The following CNTN5 variants were observed in gnomAD, a reference collection of about 807,000 sequenced individuals.
CNTN5 encodes the protein contactin 5, also known as contactin-5.
In CNTN5, 77 loss-of-function variants were observed where a neutral mutation model predicts 129.1. That is an observed-to-expected ratio of 0.60 (90% CI 0.50 to 0.72). The LOEUF (loss-of-function observed/expected upper bound fraction) is 0.72, where lower values mean the gene tolerates loss of function less well. CNTN5 is among the 30% of genes least tolerant of loss of function. CNTN5 has a pLI of 0.00. For synonymous variants in CNTN5, 509 were observed against 465.6 expected (o/e 1.09, Z -1.20); for missense variants, 1,478 against 1,328.8 (o/e 1.11, Z -1.75).
intron 9 of CNTN5, among the ~76,000 whole-genome samples, chr11:100,053,084 C>A (rs1276899600): frequency 2.0e-5 from 3 of 151,634 alleles, no homozygotes; most frequent in Non-Finnish European, 3.0e-5. Flanking sequence ...AAATGTAAAT[C>A]TCTGTATTCT....
intron 2 of CNTN5, among the ~76,000 whole-genome samples, chr11:99,382,618 A>T (rs921132090): frequency 1.3e-5 from 2 of 152,062 alleles, no homozygotes; most frequent in Non-Finnish European, 2.9e-5. Flanking sequence ...CCTCTCTTGT[A>T]TGATATTATG....
chr11:99,822,750 G>C (rs1322344014), intron 4 of CNTN5, among the ~76,000 whole-genome samples: 1 of 152,220 alleles, frequency 6.6e-6, no homozygotes, highest in East Asian at 1.9e-4. Flanking sequence ...ATGTCTCACA[G>C]TAATTCTCAC....
At chr11:100,331,387 G>A (rs1235353304) in intron 21 of CNTN5, among the ~76,000 whole-genome samples, 2 of 152,082 alleles carry the variant, frequency 1.3e-5, no homozygotes, top group Non-Finnish European at 2.9e-5. Context: ...ATAACAGTGG[G>A]ATACTTTAAT....
At chr11:99,905,931 G>A (rs539688342) in intron 6 of CNTN5, among the ~76,000 whole-genome samples, 1 of 152,130 alleles carries the variant, frequency 6.6e-6, no homozygotes, top group African/African-American at 2.4e-5. Context: ...TCATCATTTG[G>A]CTCTCTGTTT....
At chr11:99,564,282 A>G (rs1194810275) in intron 3 of CNTN5, among the ~76,000 whole-genome samples, 2 of 152,010 alleles carry the variant, frequency 1.3e-5, no homozygotes, top group Non-Finnish European at 2.9e-5. Flanking sequence ...TTGTAGAGAT[A>G]GGGTGTCACT....
chr11:99,978,984 C>T (rs1938172520), intron 8 of CNTN5, among the ~76,000 whole-genome samples: 1 of 152,260 alleles, frequency 6.6e-6, no homozygotes, highest in East Asian at 1.9e-4. Context: ...CAGTTCTGCC[C>T]CGCTTTAACT....
At chr11:99,991,812 C>G (rs1259380346) in intron 8 of CNTN5, among the ~76,000 whole-genome samples, 4 of 152,128 alleles carry the variant, frequency 2.6e-5, no homozygotes, top group Admixed American at 6.6e-5. Context: ...ACTTCCTGGT[C>G]TCTGATTGAA....
In CNTN5 at chr11:100,061,204, T is replaced by C. The variant is rs1273324119; in HGVS notation, c.981-8T>C. ...GTGTATTAACAGTATTTTTGTTCCCTATCGTAGCCCCGTTCCAACAATCAC... is the reference window on the plus strand; with the variant it reads ...GTGTATTAACAGTATTTTTGTTCCCCATCGTAGCCCCGTTCCAACAATCAC... On this transcript the variant is annotated splice_polypyrimidine_tract_variant and splice_region_variant and intron_variant, in intron 9 of 24. Coordinates refer to ENST00000524871, the MANE Select transcript of CNTN5 (RefSeq NM_014361.4). The C allele has an allele frequency of 1.9e-6, 3 of 1,599,066 alleles. No individual in the cohort carries two copies. The highest frequency in any genetic ancestry group is 2.7e-5 in the African/African-American group (2 of 74,784).
At chr11:99,586,592 A>T (rs959222164) in intron 3 of CNTN5, among the ~76,000 whole-genome samples, 6 of 152,210 alleles carry the variant, frequency 3.9e-5, no homozygotes, top group Non-Finnish European at 7.4e-5. Context: ...AAACATAATA[A>T]GCAGTAAATT....
At chr11:100,125,963 A>T (rs1400114485) in intron 13 of CNTN5, among the ~76,000 whole-genome samples, 1 of 152,012 alleles carries the variant, frequency 6.6e-6, no homozygotes, top group African/African-American at 2.4e-5. Context: ...TCCTCTTAAC[A>T]TTGATTTTTC....
At chr11:99,570,221 C>T (rs746826844) in intron 3 of CNTN5, among the ~76,000 whole-genome samples, 1 of 151,904 alleles carries the variant, frequency 6.6e-6, no homozygotes, top group Non-Finnish European at 1.5e-5. Flanking sequence ...TGTACTGGCT[C>T]ACAGTGCCGT....
intron 3 of CNTN5, among the ~76,000 whole-genome samples, chr11:99,697,132 T>G (rs2134835950): frequency 6.6e-6 from 1 of 151,990 alleles, no homozygotes; most frequent in Admixed American, 6.6e-5. Flanking sequence ...CTGATACAAA[T>G]AAATAATTGA....
chr11:99,094,759 C>A (rs1193732872), intron 1 of CNTN5, among the ~76,000 whole-genome samples: 1 of 151,722 alleles, frequency 6.6e-6, no homozygotes, highest in African/African-American at 2.4e-5. Context: ...TTTTACCAAC[C>A]CCGTCTCCTG....
chr11:99,213,418 A>G (rs1163117892), intron 1 of CNTN5, among the ~76,000 whole-genome samples: 1 of 145,972 alleles, frequency 6.9e-6, no homozygotes, highest in Non-Finnish European at 1.5e-5. Context: ...ATATGTATAT[A>G]CATATATACA....
At chr11:100,093,736 G>A (rs1007836054) in intron 13 of CNTN5, among the ~76,000 whole-genome samples, 2 of 152,064 alleles carry the variant, frequency 1.3e-5, no homozygotes, top group South Asian at 4.1e-4. Context: ...TTGCCAAAGT[G>A]GCCCAGTCAC....
chr11:99,280,571 A>C (rs907106258), intron 1 of CNTN5, among the ~76,000 whole-genome samples: 8 of 151,844 alleles, frequency 5.3e-5, no homozygotes, highest in African/African-American at 1.9e-4. Flanking sequence ...AGGTTAAAAA[A>C]AAAAATGAAC....
chr11:100,095,526 T>C (rs1944978112), intron 13 of CNTN5, among the ~76,000 whole-genome samples: 1 of 152,100 alleles, frequency 6.6e-6, no homozygotes, highest in South Asian at 2.1e-4. Context: ...TGCAAATACA[T>C]GGGTAATGTG....
At chr11:99,127,267 CTTCT>C (rs1260019452) in intron 1 of CNTN5, among the ~76,000 whole-genome samples, 4 of 152,128 alleles carry the variant, frequency 2.6e-5, no homozygotes, top group Non-Finnish European at 5.9e-5. Context: ...GCATGATTTT[CTTCT>C]TTTTTCTTTT....
intron 1 of CNTN5, among the ~76,000 whole-genome samples, chr11:99,216,507 T>C (rs1422960812): frequency 6.6e-6 from 1 of 152,116 alleles, no homozygotes; most frequent in African/African-American, 2.4e-5. Flanking sequence ...TTCTTTTGGA[T>C]ATATACCCAG....
Sources: allele counts gnomAD v4.1 joint callset (sites outside exome capture counted in the v4.1 genomes callset), GRCh38; gene constraint gnomAD v4.1.1; transcripts MANE v1.5; gene names NCBI Gene and HGNC (gene_info 2026-07-23, HGNC 2026-07-21).